GAS2: variants seen among roughly 807,000 people sequenced by gnomAD.
GAS2 encodes the protein growth arrest specific 2.
In GAS2, 20 loss-of-function variants were observed where a neutral mutation model predicts 37.5. The ratio of observed to expected loss-of-function variants is 0.53; its 90% CI spans 0.37 to 0.77. GAS2 has a LOEUF of 0.77. GAS2 is among the 30% of genes least tolerant of loss of function. GAS2 has a pLI of 0.00. For synonymous variants in GAS2, 144 were observed against 132.2 expected (o/e 1.09, Z -0.61); for missense variants, 336 against 373.4 (o/e 0.90, Z 0.82).
intron 1 of GAS2, among the ~76,000 whole-genome samples, chr11:22,654,471 C>G (rs1457635425): frequency 6.6e-6 from 1 of 151,786 alleles, no homozygotes; most frequent in African/African-American, 2.4e-5. Flanking sequence ...TCATGGCTCA[C>G]TGCAGCCTTG....
upstream of GAS2, among the ~76,000 whole-genome samples, chr11:22,664,018 T>A (rs940855885): frequency 2.6e-5 from 4 of 152,198 alleles, no homozygotes; most frequent in African/African-American, 9.6e-5. Context: ...TATTTTTTAA[T>A]ACCATTGCAT....
intron 2 of GAS2, among the ~76,000 whole-genome samples, chr11:22,679,599 T>A (rs1231433391): frequency 6.6e-6 from 1 of 152,138 alleles, no homozygotes; most frequent in Non-Finnish European, 1.5e-5. Flanking sequence ...TTTGATTATA[T>A]ACTAAAATAA....
rs547044457 is a variant in GAS2, at chr11:22,792,350, C to T, written c.724-19448C>T. 2.5e-3 allele frequency among the ~76,000 whole-genome samples: 384 copies of T among 152,262 alleles called. 2 individuals carry two copies. The highest frequency in any genetic ancestry group is 8.7e-3 in the African/African-American group (360 of 41,538). ...ATTTATACACATTTTTCTCTACTAC[C>T]TGTGTGCATCTAACAGACCTGTGCA... On this transcript the variant is annotated intron_variant, in intron 7 of 7. Transcript: ENST00000454584.
At chr11:22,653,419 G>A (rs1202221303) in intron 1 of GAS2, among the ~76,000 whole-genome samples, 2 of 152,100 alleles carry the variant, frequency 1.3e-5, no homozygotes, top group Non-Finnish European at 2.9e-5. Context: ...CATTTTCTAT[G>A]TACAGTTAAC....
At chr11:22,786,170 A>G (rs922667422) in intron 7 of GAS2, among the ~76,000 whole-genome samples, 2 of 152,150 alleles carry the variant, frequency 1.3e-5, no homozygotes, top group African/African-American at 4.8e-5. Flanking sequence ...TTCTGTTAAA[A>G]CAATCACAAA....
intron 1 of GAS2, among the ~76,000 whole-genome samples, chr11:22,645,763 T>C (rs1848683721): frequency 6.6e-6 from 1 of 152,032 alleles, no homozygotes; most frequent in Non-Finnish European, 1.5e-5. Context: ...ATACATTTTT[T>C]CTAGTTCAGA....
chr11:22,669,273 CTGTCATT>C (rs1217804721), intron 1 of GAS2, among the ~76,000 whole-genome samples: 1 of 30,952 alleles, frequency 3.2e-5, no homozygotes, highest in Non-Finnish European at 2.5e-4. Flanking sequence ...AGTCATTAGA[CTGTCATT>C]AGACTGTCAG....
chr11:22,628,475 C>G (rs548802750), intron 1 of GAS2, among the ~76,000 whole-genome samples: 1 of 152,248 alleles, frequency 6.6e-6, no homozygotes, highest in South Asian at 2.1e-4. Flanking sequence ...TTTTGATCCC[C>G]AAATTCCTGG....
intron 4 of GAS2, among the ~76,000 whole-genome samples, chr11:22,728,069 CTA>C (rs1852297542): frequency 6.6e-6 from 1 of 151,966 alleles, no homozygotes; most frequent in Non-Finnish European, 1.5e-5. Context: ...CATGGGGAAA[CTA>C]TCGTTAATTT....
rs549117213 is a variant in GAS2, at chr11:22,713,231, A to G, written c.268-13061A>G. On this transcript the variant is annotated intron_variant, in intron 3 of 7. Transcript: ENST00000454584. ...ATGCAAAATACACTGGAAAGTTTCA[A>G]CAATAGAATCAAACAAGTAGAAGAA... Among the ~76,000 whole-genome samples, 7 of 152,068 alleles carry G rather than the reference A, an allele frequency of 4.6e-5. No homozygotes were observed. The South Asian group carries it at 1.2e-3, about 27-fold the overall frequency.
intron 3 of GAS2, among the ~76,000 whole-genome samples, chr11:22,689,294 A>G (rs1487435808): frequency 2.6e-5 from 4 of 152,216 alleles, no homozygotes; most frequent in Non-Finnish European, 4.4e-5. Context: ...AAGTTAAAAA[A>G]AAATACCGAT....
chr11:22,812,071 G>C lies in GAS2; in HGVS notation c.*55G>C. 7.8e-7 allele frequency: 1 copy of C among 1,280,422 alleles called. No homozygotes were observed. The highest frequency in any genetic ancestry group is 1.1e-6 in the Non-Finnish European group (1 of 879,790). The allele number at this position is 1,280,422 out of a possible 1,614,324, so 79.3% of individuals were successfully genotyped here. Reference sequence around the variant, plus strand: ...ATAATGGCCTGTATCCACTTCTCCAGTATAGTCAGTTTAGTTCATATGTTC... The same window carrying C: ...ATAATGGCCTGTATCCACTTCTCCACTATAGTCAGTTTAGTTCATATGTTC... On this transcript the variant is annotated 3_prime_UTR_variant, in exon 8 of 8. Coordinates refer to ENST00000454584, the MANE Select transcript of GAS2 (RefSeq NM_001143830.3).
At chr11:22,730,270 G>T (rs1004907940) in intron 4 of GAS2, among the ~76,000 whole-genome samples, 1 of 151,758 alleles carries the variant, frequency 6.6e-6, no homozygotes, top group African/African-American at 2.4e-5. Flanking sequence ...TTAAGATAGT[G>T]AAGAATTATG....
intron 7 of GAS2, among the ~76,000 whole-genome samples, chr11:22,774,692 C>G (rs1413129902): frequency 6.6e-6 from 1 of 151,952 alleles, no homozygotes; most frequent in Non-Finnish European, 1.5e-5. Context: ...TAGATATTTT[C>G]CTTTCATGAA....
intron 1 of GAS2, among the ~76,000 whole-genome samples, chr11:22,672,190 T>A (rs950997021): frequency 2.0e-5 from 3 of 152,122 alleles, no homozygotes; most frequent in African/African-American, 7.2e-5. Flanking sequence ...GTAACTGTGT[T>A]TTTGCTTTTT....
In GAS2 at chr11:22,752,690, A is replaced by G. The variant is rs192633995; in HGVS notation, c.616-3156A>G. ...AGAAAGAGGAGGAGTAAAAGAAGGG[A>G]AAAAAAAACAAGAAGAAGAAAAAAG... On this transcript the variant is annotated intron_variant, in intron 6 of 7. Transcript: ENST00000454584. Among the ~76,000 whole-genome samples, 1,070 of 150,486 alleles carry G rather than the reference A, an allele frequency of 7.1e-3. 10 individuals are homozygous for G. Among genetic ancestry groups the G allele is most frequent in the African/African-American group, 0.022 (911 of 40,982 alleles).
At chr11:22,643,420 C>A in intron 1 of GAS2, among the ~76,000 whole-genome samples, 1 of 145,576 alleles carries the variant, frequency 6.9e-6, no homozygotes, top group African/African-American at 2.5e-5. Context: ...TGACTTTTAC[C>A]ATTTTTACAT....
intron 1 of GAS2, among the ~76,000 whole-genome samples, chr11:22,634,293 C>G (rs527383827): frequency 4.6e-5 from 7 of 152,164 alleles, no homozygotes; most frequent in African/African-American, 1.7e-4. Context: ...CAGTTATCTC[C>G]CACTGGGTTC....
At chr11:22,658,641 A>G (rs148350821) in intron 1 of GAS2, among the ~76,000 whole-genome samples, 1,602 of 152,332 alleles carry the variant, frequency 0.011, 16 homozygotes, top group Non-Finnish European at 0.016. Context: ...TCTAAATCAT[A>G]ATTTTAAATA....
Sources: gnomAD v4.1 joint callset for allele counts (sites outside exome capture counted in the v4.1 genomes callset) on GRCh38, gnomAD v4.1.1 for gene constraint, MANE v1.5 for transcripts, NCBI Gene and HGNC (gene_info 2026-07-23, HGNC 2026-07-21) for gene names.